Variants in EYS observed in about 807,000 individuals in gnomAD.
EYS encodes protein eyes shut homolog.
EYS carries 250 observed loss-of-function variants against 282.1 expected under a neutral mutation model. That is an observed-to-expected ratio of 0.89 (90% CI 0.80 to 0.98). The LOEUF (loss-of-function observed/expected upper bound fraction) is 0.98. EYS is among the 50% of genes least tolerant of loss of function. The probability of loss-of-function intolerance (pLI) is 0.00; values close to 1 mark genes in which losing one functional copy is unlikely to be tolerated. For missense variants in EYS, 4,016 were observed against 3,709.0 expected (o/e 1.08, Z -2.15); for synonymous variants, 1,355 against 1,282.9 (o/e 1.06, Z -1.20).
chr6:64,971,698 A>C (rs1368221322), intron 14 of EYS, among the ~76,000 whole-genome samples: 1 of 152,122 alleles, frequency 6.6e-6, no homozygotes, highest in Non-Finnish European at 1.5e-5. Flanking sequence ...GTTCTTAAGC[A>C]CAATGTGTCT....
At chr6:63,805,788 C>T (rs1176416234) in intron 37 of EYS, among the ~76,000 whole-genome samples, 1 of 152,108 alleles carries the variant, frequency 6.6e-6, no homozygotes, top group Non-Finnish European at 1.5e-5. Flanking sequence ...GAAATTCTCC[C>T]CTTTACTAGG....
At chr6:65,337,558 G>T (rs1257995288) in intron 10 of EYS, among the ~76,000 whole-genome samples, 4 of 150,776 alleles carry the variant, frequency 2.7e-5, no homozygotes, top group Non-Finnish European at 4.5e-5. Flanking sequence ...AGCTTCCTGA[G>T]ATTTGAGACT....
chr6:64,920,027 G>T (rs982759905), intron 15 of EYS, among the ~76,000 whole-genome samples: 1 of 151,884 alleles, frequency 6.6e-6, no homozygotes, highest in Non-Finnish European at 1.5e-5. Flanking sequence ...GAACAGCAAA[G>T]CCAAACATAT....
At chr6:65,598,484 G>A (rs1326345020) in intron 2 of EYS, among the ~76,000 whole-genome samples, 2 of 151,954 alleles carry the variant, frequency 1.3e-5, no homozygotes, top group African/African-American at 4.8e-5. Flanking sequence ...TATGAACCAA[G>A]TAATCACACA....
intron 22 of EYS, among the ~76,000 whole-genome samples, chr6:64,686,806 T>TGTATATATATATAC (rs1485738775): frequency 0.078 from 4,742 of 61,170 alleles, 1,566 homozygotes; most frequent in East Asian, 0.13. Flanking sequence ...TATATATATG[T>TGTATATATATATAC]GTGTATATAT....
chr6:64,366,324 A>G (rs957763080), intron 29 of EYS, among the ~76,000 whole-genome samples: 1 of 152,040 alleles, frequency 6.6e-6, no homozygotes. Flanking sequence ...TAAGAAGTCC[A>G]AGAAAGTTGA....
At chr6:65,142,862 C>T (rs1392914533) in intron 12 of EYS, among the ~76,000 whole-genome samples, 1 of 151,908 alleles carries the variant, frequency 6.6e-6, no homozygotes, top group South Asian at 2.1e-4. Context: ...AAAAATGAAG[C>T]ATATTGATTC....
intron 22 of EYS, among the ~76,000 whole-genome samples, chr6:64,811,429 A>AC: frequency 6.6e-6 from 1 of 151,868 alleles, no homozygotes; most frequent in East Asian, 1.9e-4. Flanking sequence ...TGTAAAAAAA[A>AC]AAAAAATCAG....
intron 30 of EYS, among the ~76,000 whole-genome samples, chr6:64,299,511 G>A (rs530493570): frequency 1.3e-5 from 2 of 152,324 alleles, no homozygotes; most frequent in African/African-American, 4.8e-5. Context: ...TGGTGATTGT[G>A]ACGGAACCCT....
At chr6:63,838,040 C>T (rs1329353074) in intron 36 of EYS, among the ~76,000 whole-genome samples, 1 of 152,014 alleles carries the variant, frequency 6.6e-6, no homozygotes, top group East Asian at 1.9e-4. Context: ...TGATTTTATG[C>T]ACTTTATCTA....
chr6:65,330,934 T>A (rs1189969051), intron 11 of EYS: 1 of 983,972 alleles, frequency 1.0e-6, no homozygotes, highest in Non-Finnish European at 1.2e-6. Flanking sequence ...GAACCCTGTA[T>A]GTTCAAATGA....
chr6:65,688,371 G>T lies in EYS; in HGVS notation c.-448+18764C>A, dbSNP rs542263283. On this transcript the variant is annotated intron_variant, in intron 1 of 42. Transcript: ENST00000503581. ...TTAATAAATGGTGCTGGGAAAACTGGCTGGCCATATGTAGAAAGCTGAAAC... is the reference window on the plus strand; with the variant it reads ...TTAATAAATGGTGCTGGGAAAACTGTCTGGCCATATGTAGAAAGCTGAAAC... Among the ~76,000 whole-genome samples, 8 of 152,236 alleles carry T rather than the reference G, an allele frequency of 5.3e-5. No individual in the cohort carries two copies. In the South Asian group the frequency reaches 1.7e-3, roughly 31 times the overall value.
rs1019698071 is a variant in EYS at position 65,498,573 on chromosome 6, G to A, written c.-332-2580C>T. Among the ~76,000 whole-genome samples, 5 of 151,850 alleles carry A rather than the reference G, an allele frequency of 3.3e-5. No individual in the cohort carries two copies. The South Asian group carries it at 1.0e-3, about 31-fold the overall frequency. ...AGAGCACGCTGGGTCTCTAATTATT[G>A]TGCATTTATGTTTTCAAAGAGAAAG... On this transcript the variant is annotated intron_variant, in intron 2 of 42. Transcript: ENST00000503581.
intron 16 of EYS, among the ~76,000 whole-genome samples, chr6:64,904,311 A>T (rs1003559408): frequency 1.1e-4 from 17 of 152,170 alleles, no homozygotes; most frequent in Non-Finnish European, 1.9e-4. Context: ...ACATTTTTGT[A>T]ATTCGTTCAT....
In EYS at chr6:65,027,033, T is replaced by G. The variant is rs552850886; in HGVS notation, c.2138-29330A>C. ...TATTTGTAATGTGTGTTTTTTTTTT[T>G]TGACAGTGAGAAGCTTGGCTACCAT... On this transcript the variant is annotated intron_variant, in intron 13 of 42. Coordinates refer to ENST00000503581, the MANE Select transcript of EYS (RefSeq NM_001142800.2). 7.5e-3 allele frequency among the ~76,000 whole-genome samples: 1,134 copies of G among 152,014 alleles called. 12 individuals carry two copies. The highest frequency in any genetic ancestry group is 0.014 in the Admixed American group (219 of 15,268).
At chr6:63,843,918 A>G (rs1450688003) in intron 36 of EYS, among the ~76,000 whole-genome samples, 1 of 152,174 alleles carries the variant, frequency 6.6e-6, no homozygotes, top group Non-Finnish European at 1.5e-5. Flanking sequence ...AGGTAAACAC[A>G]TGCCATGGTG....
intron 41 of EYS, among the ~76,000 whole-genome samples, chr6:63,730,286 T>C (rs188906746): frequency 6.6e-6 from 1 of 152,350 alleles, no homozygotes; most frequent in Admixed American, 6.5e-5. Context: ...TCCTCATTGA[T>C]CTTTTTACTT....
chr6:64,899,380 G>A (rs1269296761), intron 18 of EYS, among the ~76,000 whole-genome samples: 1 of 151,962 alleles, frequency 6.6e-6, no homozygotes, highest in African/African-American at 2.4e-5. Flanking sequence ...TCAGGCAAGA[G>A]AAAGAAATAA....
At chr6:64,844,953 C>A (rs1324673820) in intron 19 of EYS, among the ~76,000 whole-genome samples, 2 of 152,080 alleles carry the variant, frequency 1.3e-5, no homozygotes, top group Non-Finnish European at 2.9e-5. Flanking sequence ...CAGACACATA[C>A]CCTATGCAAC....
Sources: gnomAD v4.1 joint callset for allele counts (sites outside exome capture counted in the v4.1 genomes callset) on GRCh38, gnomAD v4.1.1 for gene constraint, MANE v1.5 for transcripts, NCBI Gene and HGNC (gene_info 2026-07-23, HGNC 2026-07-21) for gene names.